Variants in CMIP observed in about 807,000 individuals in gnomAD.
The protein encoded by CMIP is C-Maf-inducing protein.
Under a neutral mutation model 97.3 loss-of-function variants are expected in CMIP, and 13 were observed. The ratio of observed to expected loss-of-function variants is 0.13; its 90% CI spans 0.09 to 0.21. CMIP has a LOEUF of 0.21. Ranked by LOEUF, CMIP falls within the 10% of genes least tolerant of loss-of-function variation. CMIP has a pLI of 1.00. For missense variants in CMIP, 847 were observed against 1,024.9 expected (o/e 0.83, Z 2.37); for synonymous variants, 538 against 436.3 (o/e 1.23, Z -2.91).
intron 12 of CMIP, 78 bp downstream of exon 12, chr16:81,693,262 G>A: frequency 7.0e-7 from 1 of 1,437,132 alleles, no homozygotes; most frequent in Middle Eastern, 1.7e-4. Flanking sequence ...CGTGGCCCAT[G>A]CATTCTGGGA....
At chr16:81,446,215 T>C (rs966107744) in intron 1 of CMIP, among the ~76,000 whole-genome samples, 1 of 152,060 alleles carries the variant, frequency 6.6e-6, no homozygotes, top group Admixed American at 6.5e-5. Flanking sequence ...TAGAAGCTGC[T>C]TGGTGGAGCC....
At chr16:81,539,371 G>T (rs1242191976) in intron 1 of CMIP, among the ~76,000 whole-genome samples, 1 of 139,454 alleles carries the variant, frequency 7.2e-6, no homozygotes, top group African/African-American at 3.4e-5. Context: ...TGGCTGTTCA[G>T]GGGGTCTTGA....
chr16:81,506,948 A>G (rs2089720930), intron 1 of CMIP, among the ~76,000 whole-genome samples: 1 of 151,028 alleles, frequency 6.6e-6, no homozygotes, highest in South Asian at 2.1e-4. Flanking sequence ...TTGTTCCTGA[A>G]TGTCCTCTAA....
chr16:81,497,289 T>G (rs902415525), intron 1 of CMIP, among the ~76,000 whole-genome samples: 7 of 152,144 alleles, frequency 4.6e-5, no homozygotes, highest in African/African-American at 1.7e-4. Flanking sequence ...CTCCGAGATG[T>G]GTTTTTCATA....
At chr16:81,619,744 A>C (rs1267357891) in intron 2 of CMIP, 1 of 152,206 alleles carries the variant, frequency 6.6e-6, no homozygotes, top group Non-Finnish European at 1.5e-5. Flanking sequence ...CATGTCTGTG[A>C]ACACTCAGGA....
At chr16:81,681,684 AG>A (rs1234046737) in intron 10 of CMIP, among the ~76,000 whole-genome samples, 5 of 152,220 alleles carry the variant, frequency 3.3e-5, no homozygotes, top group Non-Finnish European at 5.9e-5. Context: ...GAGAGAGAAA[AG>A]CCACATGGCA....
rs1232437363 is a variant in CMIP, at chr16:81,655,321, CTGGAGGGAGCAGGCAGAGGGGCATCG to C, written c.640-2443_640-2418del. 4.6e-5 allele frequency among the ~76,000 whole-genome samples: 7 copies of C among 152,138 alleles called. No individual in the cohort carries two copies. The highest frequency in any genetic ancestry group is 1.4e-4 in the African/African-American group (6 of 41,440). Reference sequence around the variant, plus strand: ...CAGACCAACCAGAAGGTGGAAGGATCTGGAGGGAGCAGGCAGAGGGGCATCGTGGAGGGAGCTGCTAAGGACGCAAA... The same window carrying C: ...CAGACCAACCAGAAGGTGGAAGGATCTGGAGGGAGCTGCTAAGGACGCAAA... On this transcript the variant is annotated intron_variant, in intron 4 of 20. Coordinates refer to ENST00000537098, the MANE Select transcript of CMIP (RefSeq NM_198390.3). This position sits in a 1 kb window ranked among gnomAD's most constrained non-coding sequence, Gnocchi z 4.9.
At position 81,667,435 on chromosome 16, in the gene CMIP, G is replaced by A. The variant is rs527593091; in HGVS notation, c.826-2707G>A. Among the ~76,000 whole-genome samples, 161 of 152,304 alleles carry A rather than the reference G, an allele frequency of 1.1e-3. 2 individuals carry two copies. The highest frequency in any genetic ancestry group is 3.6e-3 in the African/African-American group (149 of 41,572). On this transcript the variant is annotated intron_variant, in intron 7 of 20. Transcript: ENST00000537098. Reference sequence around the variant, plus strand: ...ACACGGCTGTGGTCCCCAGTGGACCGTCAAGTAACCTAACCTCCAGTTTTC... The same window carrying A: ...ACACGGCTGTGGTCCCCAGTGGACCATCAAGTAACCTAACCTCCAGTTTTC...
chr16:81,582,888 A>G lies in CMIP; in HGVS notation c.301-24679A>G, dbSNP rs575729018. Among the ~76,000 whole-genome samples, 14 of 152,296 alleles carry G rather than the reference A, an allele frequency of 9.2e-5. No homozygotes were observed. The South Asian group carries it at 2.7e-3, about 29-fold the overall frequency. Reference sequence around the variant, plus strand: ...AAAATGAAGATAAAGAGTGCACGGCAGTTGGGGGACACCATTCGGGGGCCA... The same window carrying G: ...AAAATGAAGATAAAGAGTGCACGGCGGTTGGGGGACACCATTCGGGGGCCA... On this transcript the variant is annotated intron_variant, in intron 1 of 20. Coordinates refer to ENST00000537098, the MANE Select transcript of CMIP (RefSeq NM_198390.3).
rs936126150 is a variant in CMIP, at chr16:81,614,884, CATGT to C, written c.427-5991_427-5988del. Among the ~76,000 whole-genome samples, 36 of 146,136 alleles carry C rather than the reference CATGT, an allele frequency of 2.5e-4. 1 individual carries two copies. The highest frequency in any genetic ancestry group is 2.3e-3 in the Admixed American group (34 of 14,702). ...TGTGTGCATGTGTGTGTGGTATGTG[CATGT>C]GTGTGTGTCCTGTGTCTATATGTGG... On this transcript the variant is annotated intron_variant, in intron 2 of 20. Transcript: ENST00000537098. This position sits in a 1 kb window ranked among gnomAD's most constrained non-coding sequence, Gnocchi z 5.3.
intron 3 of CMIP, among the ~76,000 whole-genome samples, chr16:81,623,050 A>G (rs2092013698): frequency 6.6e-6 from 1 of 152,184 alleles, no homozygotes; most frequent in South Asian, 2.1e-4. Context: ...CAAAAATACA[A>G]AAAATTAGCC....
chr16:81,502,548 G>C (rs137976448), intron 1 of CMIP, among the ~76,000 whole-genome samples: 117 of 152,260 alleles, frequency 7.7e-4, no homozygotes, highest in African/African-American at 2.6e-3. Context: ...GGCCTGTCAC[G>C]TGCGCCAGGC....
At chr16:81,463,164 C>T (rs1265331101) in intron 1 of CMIP, among the ~76,000 whole-genome samples, 1 of 152,196 alleles carries the variant, frequency 6.6e-6, no homozygotes, top group Non-Finnish European at 1.5e-5. Flanking sequence ...GGTAAGCAAG[C>T]ACCACTAAGA....
At chr16:81,546,059 A>G (rs1372582728) in intron 1 of CMIP, among the ~76,000 whole-genome samples, 1 of 152,212 alleles carries the variant, frequency 6.6e-6, no homozygotes, top group East Asian at 1.9e-4. Flanking sequence ...AGAACATCAC[A>G]GCCAGCAGTC....
At chr16:81,691,967 C>T (rs548531883) in intron 11 of CMIP, 127 bp downstream of exon 11, 26 of 805,518 alleles carry the variant, frequency 3.2e-5, no homozygotes, top group African/African-American at 2.2e-4. Flanking sequence ...ACCCTGGAGA[C>T]GTCGGTACCA....
intron 1 of CMIP, among the ~76,000 whole-genome samples, chr16:81,537,682 A>T (rs1340679009): frequency 6.6e-6 from 1 of 151,856 alleles, no homozygotes; most frequent in Non-Finnish European, 1.5e-5. Flanking sequence ...CCTGGTCCAT[A>T]TAGTGAGACG....
At chr16:81,566,659 C>G (rs1162684770) in intron 1 of CMIP, among the ~76,000 whole-genome samples, 1 of 152,184 alleles carries the variant, frequency 6.6e-6, no homozygotes. Flanking sequence ...ATTCTGTTCC[C>G]AAGAGAACTG....
intron 1 of CMIP, among the ~76,000 whole-genome samples, chr16:81,579,256 G>A (rs1010464916): frequency 6.6e-6 from 1 of 152,140 alleles, no homozygotes. Flanking sequence ...CAAGACAGAG[G>A]CCAGCAGCTG....
intron 10 of CMIP, among the ~76,000 whole-genome samples, chr16:81,679,840 C>A (rs1367566222): frequency 1.3e-5 from 2 of 152,170 alleles, no homozygotes; most frequent in East Asian, 3.9e-4. Context: ...GCACCTGGTT[C>A]TGGGAGCCCC....
Sources: gnomAD v4.1 joint callset for allele counts (sites outside exome capture counted in the v4.1 genomes callset) on GRCh38, gnomAD v4.1.1 for gene constraint, Gnocchi (gnomAD v3.1) non-coding constraint, MANE v1.5 for transcripts, NCBI Gene and HGNC (gene_info 2026-07-23, HGNC 2026-07-21) for gene names.